ATG16L2: variants seen among roughly 807,000 people sequenced by gnomAD.
ATG16L2 encodes protein Atg16l2.
Under a neutral mutation model 84.7 loss-of-function variants are expected in ATG16L2, and 77 were observed. The observed-to-expected ratio is 0.91, with a 90% confidence interval of 0.76 to 1.10. The LOEUF (loss-of-function observed/expected upper bound fraction) is 1.10. ATG16L2 is among the 50% of genes least tolerant of loss of function. ATG16L2 has a pLI of 0.00. For synonymous variants in ATG16L2, 361 were observed against 342.8 expected (o/e 1.05, Z -0.59); for missense variants, 782 against 817.6 (o/e 0.96, Z 0.53).
At position 72,817,861 on chromosome 11, in the gene ATG16L2, T is replaced by C. The variant is rs1859781265; in HGVS notation, c.318+6T>C. 1 of 1,606,644 alleles carries C rather than the reference T, an allele frequency of 6.2e-7. No homozygotes were observed. Among genetic ancestry groups the C allele is most frequent in the Admixed American group, 1.7e-5 (1 of 59,792 alleles). On this transcript the variant is annotated splice_donor_region_variant and intron_variant, in intron 3 of 17. Transcript: ENST00000321297. ...TCCGGCTGGTCTGTGGTGAGGTAAG[T>C]TGGGAAGGGGTCTGAAAATGGGGTA...
chr11:72,817,947 C>A, intron 3 of ATG16L2, 92 bp downstream of exon 3: 3 of 1,142,504 alleles, frequency 2.6e-6, no homozygotes, highest in Non-Finnish European at 3.7e-6. Context: ...CTGAATTCTC[C>A]AAGCCCAGTG....
chr11:72,814,537 C>A lies in ATG16L2; in HGVS notation c.92C>A (p.Ala31Glu). 6.3e-7 allele frequency: 1 copy of A among 1,577,034 alleles called. No homozygotes were observed. The highest frequency in any genetic ancestry group is 8.6e-7 in the Non-Finnish European group (1 of 1,160,844). The change falls in exon 1 of 18, where the codon GCG becomes GAG. Residue 31 changes from alanine to glutamate, a missense_variant. Transcript: ENST00000321297. Reference sequence around the variant, plus strand: ...CGGCTTCGGGACCGTACGCAAAAGGCGCTTTTCCTGGAGCTGGTGCCGGCC... The same window carrying A: ...CGGCTTCGGGACCGTACGCAAAAGGAGCTTTTCCTGGAGCTGGTGCCGGCC... ...QLRLRDRTQK[A>E]LFLELVPAYN...
intron 3 of ATG16L2, 187 bp from the exon 4 acceptor site, chr11:72,821,481 G>A: frequency 1.4e-6 from 2 of 1,406,326 alleles, no homozygotes. Flanking sequence ...AGAGCCCGAG[G>A]GCCTTCCACT....
At chr11:72,814,907 G>C (rs1859616949) in intron 1 of ATG16L2, among the ~76,000 whole-genome samples, 2 of 152,220 alleles carry the variant, frequency 1.3e-5, no homozygotes, top group Non-Finnish European at 2.9e-5. Context: ...GTAGGGGCTT[G>C]ATCAGTGCAC....
At position 72,823,797 on chromosome 11, in the gene ATG16L2, G is replaced by T. The variant is rs139239383; in HGVS notation, c.825-263G>T. On this transcript the variant is annotated intron_variant, in intron 7 of 17. Coordinates refer to ENST00000321297, the MANE Select transcript of ATG16L2 (RefSeq NM_033388.2). ...GCTCAGCTTCCCAGGAACTTTTGTT[G>T]GTGGGTACTAGTAGGGTAAGGCAGT... 5.1e-6 allele frequency: 3 copies of T among 591,178 alleles called. No individual in the cohort carries two copies. The Admixed American group carries it at 6.5e-5, about 13-fold the overall frequency. 36.6% of individuals were successfully genotyped at this position (591,178 alleles called of 1,614,324 possible).
intron 5 of ATG16L2, chr11:72,837,947 C>T (rs1173996167): frequency 1.3e-5 from 2 of 152,138 alleles, no homozygotes; most frequent in Admixed American, 1.3e-4. Flanking sequence ...TCTAAGGATA[C>T]TGGTAAGAAG....
intron 1 of ATG16L2, among the ~76,000 whole-genome samples, chr11:72,814,931 C>A (rs765267559): frequency 6.6e-6 from 1 of 152,228 alleles, no homozygotes; most frequent in Non-Finnish European, 1.5e-5. Context: ...GTCTCGGTAG[C>A]GCAGTGAAAG....
At chr11:72,819,175 C>T (rs1413551750) in intron 3 of ATG16L2, among the ~76,000 whole-genome samples, 1 of 152,138 alleles carries the variant, frequency 6.6e-6, no homozygotes, top group East Asian at 1.9e-4. Context: ...TGTGACTGCC[C>T]CCCAGTCGTT....
intron 1 of ATG16L2, 72 bp from the exon 2 acceptor site, chr11:72,816,656 G>A: frequency 2.4e-6 from 3 of 1,269,466 alleles, no homozygotes; most frequent in Non-Finnish European, 3.4e-6. Flanking sequence ...CTTTTAGCCG[G>A]AGATAAATTG....
rs753040414 is a variant in ATG16L2 at position 72,822,580 on chromosome 11, C to A, written c.710+37C>A. Reference sequence around the variant, plus strand: ...GATGGGCCGGTCCGACCCTTGCGTTCTGCCTCCCGCCCCGCCTGCCTGCGG... The same window carrying A: ...GATGGGCCGGTCCGACCCTTGCGTTATGCCTCCCGCCCCGCCTGCCTGCGG... On this transcript the variant is annotated intron_variant, in intron 6 of 17. Transcript: ENST00000321297. This position sits in a 1 kb window ranked among gnomAD's most constrained non-coding sequence, Gnocchi z 4.2. The A allele has an allele frequency of 7.5e-7, 1 of 1,341,906 alleles. No homozygotes were observed. The highest frequency in any genetic ancestry group is 1.2e-5 in the South Asian group (1 of 82,826). The allele number at this position is 1,341,906 out of a possible 1,614,324, so 83.1% of individuals were successfully genotyped here.
At chr11:72,818,839 T>C (rs1276708700) in intron 3 of ATG16L2, 2 of 152,224 alleles carry the variant, frequency 1.3e-5, no homozygotes, top group Non-Finnish European at 2.9e-5. Context: ...GAGACTGTGA[T>C]AGCCCAGGAA....
chr11:72,833,665 A>C (rs1860654327), downstream of ATG16L2, among the ~76,000 whole-genome samples: 2 of 152,200 alleles, frequency 1.3e-5, no homozygotes, highest in Non-Finnish European at 2.9e-5. Context: ...TCATGCCTGT[A>C]ATCCCAGCAC....
chr11:72,842,974 C>A, exon 6 of ATG16L2: 1 of 880,722 alleles, frequency 1.1e-6, no homozygotes, highest in Non-Finnish European at 1.7e-6. Context: ...TTTTTACTCA[C>A]TGATGAATGA....
chr11:72,829,454 T>C lies in ATG16L2; in HGVS notation c.*64T>C. 6.4e-7 allele frequency: 1 copy of C among 1,570,808 alleles called. No homozygotes were observed. Among genetic ancestry groups the C allele is most frequent in the South Asian group, 1.1e-5 (1 of 87,834 alleles). On this transcript the variant is annotated 3_prime_UTR_variant, in exon 18 of 18. Coordinates refer to ENST00000321297, the MANE Select transcript of ATG16L2 (RefSeq NM_033388.2). ...AAGCCTGAAGCTTCCTTCGGCGCCA[T>C]GCAGGGGTTGGGGTTGGGACTGGAG... is the stretch of plus-strand genomic sequence containing the variant.
downstream of ATG16L2, among the ~76,000 whole-genome samples, chr11:72,831,504 TCAA>T (rs1400765549): frequency 3.9e-5 from 6 of 152,276 alleles, no homozygotes; most frequent in African/African-American, 9.6e-5. Flanking sequence ...AAACTCCATC[TCAA>T]CAACAACAAA....
At chr11:72,815,472 T>C (rs1486112720) in intron 1 of ATG16L2, among the ~76,000 whole-genome samples, 1 of 151,972 alleles carries the variant, frequency 6.6e-6, no homozygotes, top group Non-Finnish European at 1.5e-5. Flanking sequence ...AGTGGAACCG[T>C]CCAGTTTGAG....
intron 2 of ATG16L2, 109 bp from the exon 3 acceptor site, chr11:72,817,647 G>A: frequency 3.8e-6 from 4 of 1,058,994 alleles, no homozygotes. Context: ...ATCTTCCCAG[G>A]ACGAAGTTAA....
chr11:72,829,503 A>G lies in ATG16L2; in HGVS notation c.*113A>G. 2 of 1,460,910 alleles carry G rather than the reference A, an allele frequency of 1.4e-6. No individual in the cohort carries two copies. Among genetic ancestry groups the G allele is most frequent in the Admixed American group, 2.5e-5 (1 of 40,182 alleles). The allele number at this position is 1,460,910 out of a possible 1,614,324, so 90.5% of individuals were successfully genotyped here. A position where few individuals can be genotyped will look rare whatever the true frequency, so the allele number is the denominator to read the frequency against. ...AGCTGGCCTTGGGATTTAATGGGGA[A>G]GAAGGCCTGGCAGGACCTGGCCTGT... is the stretch of plus-strand genomic sequence containing the variant. On this transcript the variant is annotated 3_prime_UTR_variant, in exon 18 of 18. Coordinates refer to ENST00000321297, the MANE Select transcript of ATG16L2 (RefSeq NM_033388.2).
chr11:72,827,315 A>C (rs752673404), intron 14 of ATG16L2, 22 bp downstream of exon 14: 13 of 1,590,298 alleles, frequency 8.2e-6, no homozygotes, highest in Non-Finnish European at 1.0e-5. Context: ...AGGCTGGGGG[A>C]GGACTTGGGG....
Sources: allele counts gnomAD v4.1 joint callset (sites outside exome capture counted in the v4.1 genomes callset), GRCh38; gene constraint gnomAD v4.1.1; non-coding constraint Gnocchi (gnomAD v3.1); transcripts MANE v1.5; gene names NCBI Gene and HGNC (gene_info 2026-07-23, HGNC 2026-07-21).